The following CDS1 variants were observed in gnomAD, a reference collection of about 807,000 sequenced individuals.
CDS1 encodes the protein CDP-diacylglycerol synthase 1, also known as phosphatidate cytidylyltransferase 1.
A neutral mutation model predicts 62.1 loss-of-function variants in CDS1; 41 were observed. That is an observed-to-expected ratio of 0.66 (90% CI 0.51 to 0.86). The LOEUF is 0.86. Ranked by LOEUF, CDS1 falls within the 40% of genes least tolerant of loss-of-function variation. The pLI, the probability that CDS1 is intolerant of heterozygous loss-of-function variation, is 0.00. For synonymous variants in CDS1, 185 were observed against 192.6 expected (o/e 0.96, Z 0.32); for missense variants, 470 against 550.1 (o/e 0.85, Z 1.46).
chr4:84,638,536 G>C lies in CDS1; in HGVS notation c.811-388G>C, dbSNP rs139275131. Reference sequence around the variant, plus strand: ...AATACTGACTGTGTGTACTTGGAATGAATACGTCTCATTCTTATTCCAAGA... The same window carrying C: ...AATACTGACTGTGTGTACTTGGAATCAATACGTCTCATTCTTATTCCAAGA... On this transcript the variant is annotated intron_variant, in intron 8 of 12. Coordinates refer to ENST00000295887, the MANE Select transcript of CDS1 (RefSeq NM_001263.4). Among the ~76,000 whole-genome samples the C allele has an allele frequency of 3.7e-3, 568 of 152,274 alleles. 1 individual carries two copies. The highest frequency in any genetic ancestry group is 6.8e-3 in the Middle Eastern group (2 of 292).
chr4:84,645,962 G>A (rs1724547308), intron 12 of CDS1, among the ~76,000 whole-genome samples: 1 of 152,148 alleles, frequency 6.6e-6, no homozygotes, highest in Non-Finnish European at 1.5e-5. Flanking sequence ...GTTTATTCTT[G>A]TTATTAAACC....
chr4:84,593,813 T>G (rs1177982791), intron 1 of CDS1, among the ~76,000 whole-genome samples: 1 of 152,078 alleles, frequency 6.6e-6, no homozygotes, highest in Non-Finnish European at 1.5e-5. Flanking sequence ...TACAAGTGGG[T>G]TTTTAAGGAA....
intron 5 of CDS1, among the ~76,000 whole-genome samples, chr4:84,620,926 G>A (rs1166606623): frequency 2.0e-5 from 3 of 152,114 alleles, no homozygotes; most frequent in Non-Finnish European, 4.4e-5. Flanking sequence ...CGGGCATGGT[G>A]GTGCATGCTT....
chr4:84,614,688 A>G (rs1251726230), intron 3 of CDS1, among the ~76,000 whole-genome samples: 1 of 152,194 alleles, frequency 6.6e-6, no homozygotes, highest in African/African-American at 2.4e-5. Flanking sequence ...CAATACACAG[A>G]CAAATCTCTA....
intron 5 of CDS1, among the ~76,000 whole-genome samples, chr4:84,623,982 GT>G (rs947919519): frequency 4.0e-5 from 6 of 151,802 alleles, no homozygotes; most frequent in South Asian, 2.1e-4. Flanking sequence ...GCCTAAACTA[GT>G]TTTTTTTGCT....
intron 5 of CDS1, among the ~76,000 whole-genome samples, chr4:84,624,072 C>T (rs890094081): frequency 6.6e-6 from 1 of 151,832 alleles, no homozygotes; most frequent in Admixed American, 6.6e-5. Context: ...GAAATCGAGA[C>T]CATCCTGGCT....
chr4:84,595,314 G>A (rs1219685014), intron 1 of CDS1, among the ~76,000 whole-genome samples: 3 of 152,142 alleles, frequency 2.0e-5, no homozygotes, highest in Non-Finnish European at 2.9e-5. Flanking sequence ...CTCAGTTTCC[G>A]AAGTTTCTCT....
At chr4:84,646,713 A>G (rs1036481830) in intron 12 of CDS1, among the ~76,000 whole-genome samples, 3 of 152,120 alleles carry the variant, frequency 2.0e-5, no homozygotes, top group African/African-American at 7.2e-5. Flanking sequence ...ATTCTAGTAC[A>G]TGCTCCATGG....
At chr4:84,607,171 G>A (rs889514417) in intron 2 of CDS1, among the ~76,000 whole-genome samples, 50 of 152,202 alleles carry the variant, frequency 3.3e-4, no homozygotes, top group African/African-American at 1.2e-3. Flanking sequence ...TTGTTGGTAT[G>A]TTGGTATTTT....
chr4:84,612,638 G>T (rs1217150438), intron 3 of CDS1, among the ~76,000 whole-genome samples: 3 of 152,074 alleles, frequency 2.0e-5, no homozygotes, highest in African/African-American at 7.2e-5. Flanking sequence ...AGGAAAATAT[G>T]ATCTTATTAC....
Position 84,619,538 on chromosome 4 carries a change from G to A in CDS1, c.580+5G>A, listed in dbSNP as rs1328931756. ...CATTTGCCCTCTATCTGGCAGGTAA[G>A]TTAAGGAATATTCTGTATTGATATA... On this transcript the variant is annotated splice_donor_5th_base_variant and intron_variant, in intron 5 of 12. Coordinates refer to ENST00000295887, the MANE Select transcript of CDS1 (RefSeq NM_001263.4). 1 of 1,555,622 alleles carries A rather than the reference G, an allele frequency of 6.4e-7. No homozygotes were observed. The highest frequency in any genetic ancestry group is 8.8e-7 in the Non-Finnish European group (1 of 1,140,148).
intron 1 of CDS1, among the ~76,000 whole-genome samples, chr4:84,590,929 C>G (rs1419621017): frequency 6.6e-6 from 1 of 152,048 alleles, no homozygotes; most frequent in Non-Finnish European, 1.5e-5. Flanking sequence ...GCAAGTGGCT[C>G]GAAGAGGTAA....
intron 9 of CDS1, among the ~76,000 whole-genome samples, chr4:84,640,579 G>A (rs753585544): frequency 9.9e-5 from 15 of 152,022 alleles, no homozygotes; most frequent in African/African-American, 2.2e-4. Flanking sequence ...CTCCTGTACC[G>A]TATAATTGTG....
intron 1 of CDS1, among the ~76,000 whole-genome samples, chr4:84,588,525 T>G (rs981138396): frequency 1.3e-5 from 2 of 152,122 alleles, no homozygotes; most frequent in African/African-American, 4.8e-5. Flanking sequence ...ATTACTCACA[T>G]TAACCTCCCT....
Position 84,648,744 on chromosome 4 carries a change from A to G in CDS1, c.*58A>G. The G allele has an allele frequency of 1.3e-6, 2 of 1,511,858 alleles. No homozygotes were observed. Among genetic ancestry groups the G allele is most frequent in the South Asian group, 1.3e-5 (1 of 78,026 alleles). The allele number at this position is 1,511,858 out of a possible 1,614,324, so 93.7% of individuals were successfully genotyped here. A position where few individuals can be genotyped will look rare whatever the true frequency, so the allele number is the denominator to read the frequency against. On this transcript the variant is annotated 3_prime_UTR_variant, in exon 13 of 13. Transcript: ENST00000295887. ...GAATTATTCAGAAAAACACTGACAG[A>G]TGTTTTATAAATTGTACAGAAAAAT...
At chr4:84,612,844 C>T (rs931538092) in intron 3 of CDS1, among the ~76,000 whole-genome samples, 8 of 151,704 alleles carry the variant, frequency 5.3e-5, no homozygotes, top group East Asian at 1.9e-4. Flanking sequence ...AAAAATTAGC[C>T]GGGTGGTAGA....
At chr4:84,635,985 A>G (rs12108575) in intron 8 of CDS1, among the ~76,000 whole-genome samples, 97,202 of 151,424 alleles carry the variant, frequency 0.64, 31,521 homozygotes, top group African/African-American at 0.74. Flanking sequence ...CCAAACTCCT[A>G]GGCTCAAGCA....
At chr4:84,639,096 A>C in intron 9 of CDS1, 104 bp downstream of exon 9, 1 of 422,238 alleles carries the variant, frequency 2.4e-6, no homozygotes, top group Non-Finnish European at 4.1e-6. Flanking sequence ...AAATGCTAAT[A>C]ATATATTTAT....
intron 11 of CDS1, among the ~76,000 whole-genome samples, chr4:84,644,483 C>G (rs1313035605): frequency 5.9e-5 from 9 of 151,938 alleles, no homozygotes; most frequent in Admixed American, 5.9e-4. Context: ...GTCTCCAATC[C>G]AAGATTTTTT....
Sources: allele counts gnomAD v4.1 joint callset (sites outside exome capture counted in the v4.1 genomes callset), GRCh38; gene constraint gnomAD v4.1.1; transcripts MANE v1.5; gene names NCBI Gene and HGNC (gene_info 2026-07-23, HGNC 2026-07-21).